Variants in FAM228B observed in about 807,000 individuals in gnomAD.
The protein encoded by FAM228B is protein FAM228B.
In FAM228B, 38 loss-of-function variants were observed where a neutral mutation model predicts 42.6. The ratio of observed to expected loss-of-function variants is 0.89; its 90% CI spans 0.69 to 1.17. FAM228B has a LOEUF of 1.17. Among genes scored for constraint, FAM228B ranks in the 50% most tolerant of loss-of-function variants. FAM228B has a pLI of 0.00. For missense variants in FAM228B, 344 were observed against 367.3 expected (o/e 0.94, Z 0.52); for synonymous variants, 109 against 122.3 (o/e 0.89, Z 0.72).
rs1178836103 is a variant in FAM228B, at chr2:24,077,626, C to G, written c.-290+657C>G. The G allele has an allele frequency of 6.2e-7, 1 of 1,613,966 alleles. No homozygotes were observed. Among genetic ancestry groups the G allele is most frequent in the Non-Finnish European group, 8.5e-7 (1 of 1,179,924 alleles). ...ATCTTGCCTATGTTCTTGTTGGCCT[C>G]CATGTACTTATGGGCCTCCTGGATT... On this transcript the variant is annotated intron_variant, in intron 1 of 10. Transcript: ENST00000613899. This position sits in a 1 kb window ranked among gnomAD's most constrained non-coding sequence, Gnocchi z 5.5.
intron 2 of FAM228B, among the ~76,000 whole-genome samples, chr2:24,131,997 A>G (rs970893750): frequency 3.3e-5 from 5 of 152,284 alleles, no homozygotes; most frequent in Admixed American, 6.5e-5. Context: ...ATTTTGAGAT[A>G]TGTTCCATCA....
At chr2:24,155,504 CATATATATAT>C (rs1156603467) in intron 7 of FAM228B, among the ~76,000 whole-genome samples, 2 of 35,896 alleles carry the variant, frequency 5.6e-5, no homozygotes, top group Non-Finnish European at 1.1e-4. Flanking sequence ...GAAGACCATG[CATATATATAT>C]ATATATATAT....
chr2:24,145,432 T>A (rs1025391409), intron 5 of FAM228B, among the ~76,000 whole-genome samples: 1 of 152,174 alleles, frequency 6.6e-6, no homozygotes, highest in African/African-American at 2.4e-5. Flanking sequence ...AAAGCCAAAG[T>A]GTCCTACCCA....
chr2:24,155,504 C>CTTATATATATATATATATATATATAT (rs1216710906), intron 7 of FAM228B, among the ~76,000 whole-genome samples: 1 of 35,896 alleles, frequency 2.8e-5, no homozygotes, highest in African/African-American at 1.0e-4. Flanking sequence ...GAAGACCATG[C>CTTATATATATATATATATATATATAT]ATATATATAT....
At chr2:24,091,686 GGAAGATACAAAAATTATATAAT>G (rs554427726) in intron 2 of FAM228B, among the ~76,000 whole-genome samples, 509 of 152,020 alleles carry the variant, frequency 3.3e-3, no homozygotes, top group East Asian at 0.014. Flanking sequence ...TATTTAACAA[GGAAGATACAAAAATTATATAAT>G]GAAGACTGTA....
chr2:24,152,838 TA>T (rs1446933628), intron 7 of FAM228B, among the ~76,000 whole-genome samples: 1 of 151,934 alleles, frequency 6.6e-6, no homozygotes, highest in Non-Finnish European at 1.5e-5. Flanking sequence ...GGGCTTGAAG[TA>T]AAAAAAACCT....
At chr2:24,144,248 T>G (rs1485278853) in intron 5 of FAM228B, among the ~76,000 whole-genome samples, 1 of 151,988 alleles carries the variant, frequency 6.6e-6, no homozygotes, top group Non-Finnish European at 1.5e-5. Context: ...GAGACCAGCC[T>G]GGGCAACATA....
intron 2 of FAM228B, among the ~76,000 whole-genome samples, chr2:24,125,962 C>G (rs992779548): frequency 2.6e-5 from 4 of 152,204 alleles, no homozygotes; most frequent in Admixed American, 6.5e-5. Context: ...TTCTTTCACT[C>G]ATCATAATTA....
At chr2:24,150,468 A>G (rs1461585089) in intron 7 of FAM228B, among the ~76,000 whole-genome samples, 1 of 152,056 alleles carries the variant, frequency 6.6e-6, no homozygotes, top group East Asian at 1.9e-4. Flanking sequence ...ACTGTCACCC[A>G]GGCTGGAGTG....
intron 3 of FAM228B, 46 bp downstream of exon 3, chr2:24,135,233 GTTTTTCC>G (rs1171166581): frequency 8.8e-7 from 1 of 1,133,864 alleles, no homozygotes; most frequent in East Asian, 2.7e-5. Context: ...ATTAAATGTA[GTTTTTCC>G]TTTTTATATG....
intron 4 of FAM228B, among the ~76,000 whole-genome samples, chr2:24,138,557 A>G (rs1168350061): frequency 6.6e-6 from 1 of 151,246 alleles, no homozygotes; most frequent in Non-Finnish European, 1.5e-5. Flanking sequence ...CTGGTCTCGA[A>G]CTCCCTATTT....
chr2:24,090,123 G>A lies in FAM228B; in HGVS notation c.-209-5018G>A, dbSNP rs570818290. Among the ~76,000 whole-genome samples, 20 of 151,790 alleles carry A rather than the reference G, an allele frequency of 1.3e-4. No homozygotes were observed. In the South Asian group the frequency reaches 4.2e-3, roughly 32 times the overall value. ...TCTCTACTAAAAATACAAAAAATTA[G>A]CCGGGGTGGTGGCTGGCGCCTGTAG... On this transcript the variant is annotated intron_variant, in intron 2 of 10. Coordinates refer to the FAM228B transcript ENST00000613899.
chr2:24,125,794 C>T (rs931449919), intron 2 of FAM228B, among the ~76,000 whole-genome samples: 3 of 152,152 alleles, frequency 2.0e-5, no homozygotes, highest in Non-Finnish European at 4.4e-5. Context: ...AACTCCTGAC[C>T]TCAAGTGATC....
intron 2 of FAM228B, among the ~76,000 whole-genome samples, chr2:24,132,510 A>G (rs1012212163): frequency 1.0e-5 from 1 of 97,542 alleles, no homozygotes; most frequent in Admixed American, 1.5e-4. Context: ...GCTATTAATT[A>G]CTGCCTCAAT....
At chr2:24,107,583 C>T (rs974769997) in intron 3 of FAM228B, among the ~76,000 whole-genome samples, 2 of 152,162 alleles carry the variant, frequency 1.3e-5, no homozygotes, top group Non-Finnish European at 2.9e-5. Flanking sequence ...ACCACATTCT[C>T]AGACCACAGT....
At chr2:24,165,535 G>T in intron 9 of FAM228B, 1 of 464,952 alleles carries the variant, frequency 2.2e-6, no homozygotes, top group Non-Finnish European at 4.5e-6. Context: ...TGTTGTCTCT[G>T]CAGCCCCCAG....
At chr2:24,108,672 C>T (rs924166524) in intron 3 of FAM228B, among the ~76,000 whole-genome samples, 10 of 151,964 alleles carry the variant, frequency 6.6e-5, no homozygotes, top group South Asian at 4.2e-4. Flanking sequence ...GAGGCCTAGA[C>T]GGGCAGATCA....
intron 3 of FAM228B, among the ~76,000 whole-genome samples, chr2:24,116,215 C>G (rs951266961): frequency 3.9e-5 from 6 of 152,210 alleles, no homozygotes; most frequent in Non-Finnish European, 7.4e-5. Context: ...GTAGTCCCAG[C>G]TACTTGGGAG....
chr2:24,141,265 A>G (rs1347012923), intron 5 of FAM228B, among the ~76,000 whole-genome samples: 1 of 151,702 alleles, frequency 6.6e-6, no homozygotes, highest in East Asian at 2.0e-4. Flanking sequence ...TTGTTTTGAG[A>G]CGGAGTCTTG....
Sources: allele counts gnomAD v4.1 joint callset (sites outside exome capture counted in the v4.1 genomes callset), GRCh38; gene constraint gnomAD v4.1.1; non-coding constraint Gnocchi (gnomAD v3.1); transcripts MANE v1.5; gene names NCBI Gene and HGNC (gene_info 2026-07-23, HGNC 2026-07-21).